HPSE2: variants seen among roughly 807,000 people sequenced by gnomAD.
HPSE2 encodes the protein heparanase 2 (inactive), also known as inactive heparanase-2.
In HPSE2, 38 loss-of-function variants were observed where a neutral mutation model predicts 60.5. The ratio of observed to expected loss-of-function variants is 0.63; its 90% CI spans 0.48 to 0.82. The LOEUF (loss-of-function observed/expected upper bound fraction) is 0.82. Ranked by LOEUF, HPSE2 falls within the 40% of genes least tolerant of loss-of-function variation. The pLI, the probability that HPSE2 is intolerant of heterozygous loss-of-function variation, is 0.00. For synonymous variants in HPSE2, 295 were observed against 293.2 expected (o/e 1.01, Z -0.06); for missense variants, 713 against 740.4 (o/e 0.96, Z 0.43).
chr10:99,263,721 G>C, the HPSE2 span, among the ~76,000 whole-genome samples: 1 of 151,648 alleles, frequency 6.6e-6, no homozygotes, highest in Middle Eastern at 3.4e-3. Flanking sequence ...AACGCAGATG[G>C]TTCTTAGACC....
At chr10:99,310,026 A>G in the HPSE2 span, among the ~76,000 whole-genome samples, 5 of 152,172 alleles carry the variant, frequency 3.3e-5, no homozygotes, top group African/African-American at 1.2e-4. Flanking sequence ...AAAATTCTTT[A>G]TCTCTTCCAG....
At chr10:99,032,630 A>C (rs1440637560) in intron 3 of HPSE2, among the ~76,000 whole-genome samples, 3 of 152,296 alleles carry the variant, frequency 2.0e-5, no homozygotes, top group Admixed American at 6.5e-5. Context: ...CACAAACTTC[A>C]TGGCTTAAAC....
At chr10:98,946,381 G>A (rs72836764) in intron 3 of HPSE2, among the ~76,000 whole-genome samples, 23,204 of 151,084 alleles carry the variant, frequency 0.15, 2,690 homozygotes, top group African/African-American at 0.32. Context: ...GCTGAGGCAG[G>A]AGCATCGTTT....
intron 3 of HPSE2, among the ~76,000 whole-genome samples, chr10:98,828,328 G>A (rs1951600701): frequency 1.3e-5 from 2 of 152,202 alleles, no homozygotes; most frequent in African/African-American, 4.8e-5. Context: ...CAAGGATGGT[G>A]AAGTTGGGAA....
intron 2 of HPSE2, among the ~76,000 whole-genome samples, chr10:99,176,153 GA>G (rs1847517995): frequency 6.6e-6 from 1 of 152,124 alleles, no homozygotes; most frequent in Non-Finnish European, 1.5e-5. Flanking sequence ...ATAAATCCAT[GA>G]AGGTGAGGAA....
At chr10:99,037,133 C>T (rs1454953993) in intron 3 of HPSE2, among the ~76,000 whole-genome samples, 3 of 152,032 alleles carry the variant, frequency 2.0e-5, no homozygotes, top group Middle Eastern at 3.2e-3. Flanking sequence ...AATTGAGGGA[C>T]GTTCCTTGGC....
chr10:99,027,490 G>T (rs1957404231), intron 3 of HPSE2, among the ~76,000 whole-genome samples: 1 of 152,130 alleles, frequency 6.6e-6, no homozygotes, highest in Non-Finnish European at 1.5e-5. Flanking sequence ...CTAAAGAAAA[G>T]CCTGGGGCCT....
At chr10:98,942,600 C>T (rs1315146324) in intron 3 of HPSE2, among the ~76,000 whole-genome samples, 35 of 152,142 alleles carry the variant, frequency 2.3e-4, no homozygotes, top group East Asian at 5.8e-4. Context: ...GGAGAGGATG[C>T]AGAGAAATAG....
intron 3 of HPSE2, among the ~76,000 whole-genome samples, chr10:98,798,820 G>A (rs955538085): frequency 4.6e-5 from 7 of 152,102 alleles, no homozygotes; most frequent in African/African-American, 1.4e-4. Flanking sequence ...AAGGAAAGAA[G>A]GAAGAGAAGA....
At chr10:98,973,692 A>G (rs1175789490) in intron 3 of HPSE2, among the ~76,000 whole-genome samples, 1 of 152,222 alleles carries the variant, frequency 6.6e-6, no homozygotes, top group Non-Finnish European at 1.5e-5. Flanking sequence ...ACCAAATGTG[A>G]TCAACTTCTA....
chr10:98,480,933 A>G lies in HPSE2; in HGVS notation c.1613+1703T>C, dbSNP rs540961472. Among the ~76,000 whole-genome samples the G allele has an allele frequency of 2.0e-5, 3 of 152,324 alleles. No individual in the cohort carries two copies. In the South Asian group the frequency reaches 6.2e-4, roughly 32 times the overall value. ...ATTACCTCATTTACTTCGCTCCACA[A>G]AAGAGGTTTCACAGACGAGGAAACT... On this transcript the variant is annotated intron_variant, in intron 11 of 11. Transcript: ENST00000370552.
chr10:98,538,886 T>C (rs1943372507), intron 9 of HPSE2, among the ~76,000 whole-genome samples: 1 of 152,130 alleles, frequency 6.6e-6, no homozygotes, highest in Non-Finnish European at 1.5e-5. Context: ...GCATACGCAT[T>C]TGCGGGGACA....
intron 2 of HPSE2, among the ~76,000 whole-genome samples, chr10:99,191,848 G>T (rs1000339166): frequency 3.9e-5 from 6 of 152,140 alleles, no homozygotes; most frequent in Admixed American, 2.0e-4. Context: ...ATTCAAAATA[G>T]CTGTTCTAAG....
chr10:98,844,337 A>G (rs1389497874), intron 3 of HPSE2, among the ~76,000 whole-genome samples: 2 of 152,216 alleles, frequency 1.3e-5, no homozygotes, highest in Admixed American at 1.3e-4. Flanking sequence ...GACTCCAAGA[A>G]TCTTCATTTA....
At chr10:99,157,683 T>C (rs1240039112) in intron 2 of HPSE2, among the ~76,000 whole-genome samples, 1 of 146,348 alleles carries the variant, frequency 6.8e-6, no homozygotes, top group African/African-American at 2.5e-5. Context: ...ATTCAGGACA[T>C]AGGCATGGGC....
In HPSE2 at chr10:98,617,659, C is replaced by A. The variant is rs376886810; in HGVS notation, c.1206-2641G>T. 2.0e-4 allele frequency among the ~76,000 whole-genome samples: 31 copies of A among 152,248 alleles called. No individual in the cohort carries two copies. In the East Asian group the frequency reaches 4.4e-3, roughly 22 times the overall value. On this transcript the variant is annotated intron_variant, in intron 8 of 11. Coordinates refer to ENST00000370552, the MANE Select transcript of HPSE2 (RefSeq NM_021828.5). Reference sequence around the variant, plus strand: ...AACAAGACCCCTCAGAGAGGGAAAGCAATGGTCTTCCCATTCTATGCTTAG... The same window carrying A: ...AACAAGACCCCTCAGAGAGGGAAAGAAATGGTCTTCCCATTCTATGCTTAG...
At chr10:98,846,488 C>G (rs1952038274) in intron 3 of HPSE2, among the ~76,000 whole-genome samples, 1 of 152,232 alleles carries the variant, frequency 6.6e-6, no homozygotes, top group East Asian at 1.9e-4. Context: ...TCCTCTGCAC[C>G]CATTTTTCTC....
chr10:98,949,417 C>T (rs1460310317), intron 3 of HPSE2, among the ~76,000 whole-genome samples: 2 of 149,472 alleles, frequency 1.3e-5, no homozygotes, highest in Admixed American at 6.6e-5. Context: ...CAGTCTTTCT[C>T]TGGTGGCAAA....
At chr10:98,780,629 A>G (rs1199990016) in intron 3 of HPSE2, among the ~76,000 whole-genome samples, 2 of 152,130 alleles carry the variant, frequency 1.3e-5, no homozygotes, top group African/African-American at 4.8e-5. Flanking sequence ...GATCACTGCA[A>G]TACCATAGCC....
Sources: allele counts gnomAD v4.1 joint callset (sites outside exome capture counted in the v4.1 genomes callset), GRCh38; gene constraint gnomAD v4.1.1; transcripts MANE v1.5; gene names NCBI Gene and HGNC (gene_info 2026-07-23, HGNC 2026-07-21).